The following CCSER1 variants were observed in gnomAD, a reference collection of about 807,000 sequenced individuals.
CCSER1 encodes serine-rich coiled-coil domain-containing protein 1.
Under a neutral mutation model 82.0 loss-of-function variants are expected in CCSER1, and 41 were observed. The ratio of observed to expected loss-of-function variants is 0.50; its 90% CI spans 0.39 to 0.65. The LOEUF (loss-of-function observed/expected upper bound fraction) is 0.65, where lower values mean the gene tolerates loss of function less well. Ranked by LOEUF, CCSER1 falls within the 30% of genes least tolerant of loss-of-function variation. The pLI is 0.00. For missense variants in CCSER1, 1,119 were observed against 1,064.2 expected (o/e 1.05, Z -0.72); for synonymous variants, 414 against 383.9 (o/e 1.08, Z -0.92).
intron 5 of CCSER1, among the ~76,000 whole-genome samples, chr4:90,567,956 G>A (rs1372888610): frequency 2.6e-5 from 4 of 152,020 alleles, no homozygotes; most frequent in African/African-American, 9.7e-5. Flanking sequence ...TGATCCATTG[G>A]TTGTTCATGA....
chr4:91,176,217 G>T (rs1014843340), intron 10 of CCSER1, among the ~76,000 whole-genome samples: 5 of 152,128 alleles, frequency 3.3e-5, no homozygotes, highest in African/African-American at 7.2e-5. Flanking sequence ...TGCTGTTTTG[G>T]TTACTGTAGT....
chr4:90,633,494 C>T (rs550095249), intron 6 of CCSER1, among the ~76,000 whole-genome samples: 9 of 151,994 alleles, frequency 5.9e-5, no homozygotes. Context: ...TATTCCTTAA[C>T]TGTATTTTTA....
chr4:90,884,156 T>G (rs989596609), intron 8 of CCSER1, among the ~76,000 whole-genome samples: 2 of 151,790 alleles, frequency 1.3e-5, no homozygotes, highest in Non-Finnish European at 2.9e-5. Flanking sequence ...AATGGAGAGG[T>G]CACTACAATG....
intron 9 of CCSER1, among the ~76,000 whole-genome samples, chr4:91,053,796 T>G (rs1743202862): frequency 6.6e-6 from 1 of 152,214 alleles, no homozygotes; most frequent in Admixed American, 6.5e-5. Context: ...CACTTAATAG[T>G]GTATCTTATA....
intron 10 of CCSER1, among the ~76,000 whole-genome samples, chr4:91,485,902 T>C (rs1255001610): frequency 6.6e-6 from 1 of 152,096 alleles, no homozygotes; most frequent in Non-Finnish European, 1.5e-5. Flanking sequence ...ATTTTTTGAA[T>C]AGGAATATCT....
intron 1 of CCSER1, among the ~76,000 whole-genome samples, chr4:90,273,889 A>G (rs530581742): frequency 3.3e-5 from 5 of 152,320 alleles, no homozygotes; most frequent in Middle Eastern, 3.4e-3. Context: ...CGTCTTGTCA[A>G]CTATGTTGTG....
At chr4:91,278,601 TC>T (rs1480492560) in intron 10 of CCSER1, among the ~76,000 whole-genome samples, 1 of 152,074 alleles carries the variant, frequency 6.6e-6, no homozygotes, top group Non-Finnish European at 1.5e-5. Flanking sequence ...TATAGTTGGG[TC>T]CTGTTTGTGT....
chr4:91,239,120 C>T (rs1398218172), intron 10 of CCSER1, among the ~76,000 whole-genome samples: 10 of 149,928 alleles, frequency 6.7e-5, no homozygotes, highest in South Asian at 2.1e-4. Context: ...CCACTGCGCC[C>T]GGCCTATTTT....
chr4:90,271,801 A>C (rs1726326893), intron 1 of CCSER1, among the ~76,000 whole-genome samples: 1 of 131,876 alleles, frequency 7.6e-6, no homozygotes. Context: ...CACTGCTATA[A>C]AGATACTACC....
rs747862791 is a variant in CCSER1 at position 90,308,531 on chromosome 4, A to G, written c.247A>G (p.Thr83Ala). The change falls in exon 2 of 11, where the codon ACC (threonine) becomes GCC (alanine). Residue 83 changes from threonine (T) to alanine (A), a missense_variant. Coordinates refer to ENST00000509176, the MANE Select transcript of CCSER1 (RefSeq NM_001145065.2). ...GGGGAGTGAGCCTAAGCAAGAGCCTACCAACCAGAACCTTAGTATTTCAAA... is the reference window on the plus strand; with the variant it reads ...GGGGAGTGAGCCTAAGCAAGAGCCTGCCAACCAGAACCTTAGTATTTCAAA... ...KKGSEPKQEPTNQNLSISNGA... is the reference protein window; with the variant it reads ...KKGSEPKQEPANQNLSISNGA... The G allele has an allele frequency of 4.3e-6, 7 of 1,613,816 alleles. No individual in the cohort carries two copies. The highest frequency in any genetic ancestry group is 5.9e-6 in the Non-Finnish European group (7 of 1,179,854).
In CCSER1 at chr4:90,559,347, G is replaced by A. The variant is rs1778463600; in HGVS notation, c.1725-68678G>A. 2.6e-5 allele frequency among the ~76,000 whole-genome samples: 4 copies of A among 152,138 alleles called. 1 individual carries two copies. The highest frequency in any genetic ancestry group is 2.0e-4 in the Admixed American group (3 of 15,276). ...TGTGGTGTAGAAGGGGAAAAGGCAG[G>A]ATTAAGCAGAGGGAGAAGTTGAGCT... On this transcript the variant is annotated intron_variant, in intron 5 of 10. Coordinates refer to ENST00000509176, the MANE Select transcript of CCSER1 (RefSeq NM_001145065.2).
At chr4:91,582,340 TA>T (rs1763770177) in intron 10 of CCSER1, among the ~76,000 whole-genome samples, 2 of 151,668 alleles carry the variant, frequency 1.3e-5, no homozygotes, top group Admixed American at 1.3e-4. Flanking sequence ...GACCTCTATA[TA>T]AAACAATTTC....
chr4:90,671,452 AC>A (rs1732790956), intron 6 of CCSER1, among the ~76,000 whole-genome samples: 1 of 152,048 alleles, frequency 6.6e-6, no homozygotes, highest in African/African-American at 2.4e-5. Context: ...TCCCAAGGAA[AC>A]ACTTTTTCTG....
intron 10 of CCSER1, among the ~76,000 whole-genome samples, chr4:91,367,499 T>C (rs1207012495): frequency 2.0e-5 from 3 of 150,774 alleles, no homozygotes; most frequent in African/African-American, 7.3e-5. Context: ...ATTCTTGAGA[T>C]AGTTCTTTAT....
intron 9 of CCSER1, among the ~76,000 whole-genome samples, chr4:90,973,798 G>A (rs901129276): frequency 4.6e-5 from 7 of 151,322 alleles, no homozygotes; most frequent in African/African-American, 1.5e-4. Flanking sequence ...GAAACTGTGA[G>A]ATACAGAAAC....
intron 10 of CCSER1, among the ~76,000 whole-genome samples, chr4:91,526,708 G>A (rs1380832513): frequency 3.3e-5 from 5 of 152,030 alleles, no homozygotes; most frequent in South Asian, 2.1e-4. Context: ...CGGTTCAAGC[G>A]ATTCTCCTGC....
chr4:91,587,698 T>A (rs933680986), intron 10 of CCSER1, among the ~76,000 whole-genome samples: 1 of 151,700 alleles, frequency 6.6e-6, no homozygotes, highest in African/African-American at 2.4e-5. Flanking sequence ...CTTTTGGATG[T>A]TGTTTTTCTT....
chr4:90,932,980 A>AAGAC, intron 9 of CCSER1, among the ~76,000 whole-genome samples: 2 of 21,978 alleles, frequency 9.1e-5, no homozygotes, highest in Non-Finnish European at 1.7e-4. Flanking sequence ...GAAAGAAAGA[A>AAGAC]AGAGAAAGAA....
chr4:91,217,589 C>A (rs1324281942), intron 10 of CCSER1, among the ~76,000 whole-genome samples: 1 of 152,052 alleles, frequency 6.6e-6, no homozygotes, highest in Non-Finnish European at 1.5e-5. Flanking sequence ...CATAAAGGTT[C>A]TCCAAGGCCC....
Sources: allele counts gnomAD v4.1 joint callset (sites outside exome capture counted in the v4.1 genomes callset), GRCh38; gene constraint gnomAD v4.1.1; transcripts MANE v1.5; gene names NCBI Gene and HGNC (gene_info 2026-07-23, HGNC 2026-07-21).